Variants in OPCML observed in about 807,000 individuals in gnomAD.
OPCML encodes the protein opioid binding protein/cell adhesion molecule like.
A neutral mutation model predicts 37.8 loss-of-function variants in OPCML; 13 were observed. The ratio of observed to expected loss-of-function variants is 0.34; its 90% CI spans 0.22 to 0.55. The LOEUF is 0.55. OPCML is among the 20% of genes least tolerant of loss of function. The pLI, the probability that OPCML is intolerant of heterozygous loss-of-function variation, is 0.91. For missense variants in OPCML, 341 were observed against 435.6 expected (o/e 0.78, Z 1.93); for synonymous variants, 176 against 168.8 (o/e 1.04, Z -0.33).
intron 4 of OPCML, among the ~76,000 whole-genome samples, chr11:132,469,419 G>T (rs897555039): frequency 6.6e-6 from 1 of 151,584 alleles, no homozygotes; most frequent in Non-Finnish European, 1.5e-5. Context: ...GGGTGCGTGT[G>T]TATGTGTGTA....
chr11:133,513,171 T>TAAA (rs113173258), intron 1 of OPCML, among the ~76,000 whole-genome samples: 5 of 150,186 alleles, frequency 3.3e-5, no homozygotes, highest in African/African-American at 1.2e-4. Flanking sequence ...CCCAAACATT[T>TAAA]AAAAAAAAAA....
At chr11:133,068,193 G>A (rs1948468623) in intron 1 of OPCML, 1 of 152,138 alleles carries the variant, frequency 6.6e-6, no homozygotes, top group Admixed American at 6.5e-5. Context: ...ATTTCCTTAA[G>A]CCAAAACTCT....
chr11:132,991,270 G>A (rs1422030462), intron 1 of OPCML, among the ~76,000 whole-genome samples: 1 of 152,178 alleles, frequency 6.6e-6, no homozygotes, highest in Non-Finnish European at 1.5e-5. Flanking sequence ...AAGAGTAGGA[G>A]TGAAGTTAGA....
chr11:132,968,603 T>A (rs7926617), intron 1 of OPCML, among the ~76,000 whole-genome samples: 6,539 of 152,260 alleles, frequency 0.043, 271 homozygotes, highest in African/African-American at 0.11. Context: ...CATAACCCAA[T>A]CACCTCTTAA....
At chr11:132,474,445 C>A (rs565361326) in intron 4 of OPCML, among the ~76,000 whole-genome samples, 1 of 152,192 alleles carries the variant, frequency 6.6e-6, no homozygotes, top group East Asian at 1.9e-4. Context: ...TCTCAGTGAC[C>A]CTGTGGCCTG....
At chr11:132,435,732 C>T (rs1361039959) in intron 7 of OPCML, among the ~76,000 whole-genome samples, 1 of 152,208 alleles carries the variant, frequency 6.6e-6, no homozygotes, top group African/African-American at 2.4e-5. Flanking sequence ...CAACAAATAT[C>T]ACCCCCAGAA....
intron 2 of OPCML, among the ~76,000 whole-genome samples, chr11:132,817,956 T>C (rs1175628067): frequency 6.6e-6 from 1 of 152,162 alleles, no homozygotes; most frequent in Non-Finnish European, 1.5e-5. Context: ...TATGGCATTG[T>C]ACAAGGGAGA....
chr11:133,162,579 A>G (rs986176791), intron 1 of OPCML, among the ~76,000 whole-genome samples: 1 of 152,212 alleles, frequency 6.6e-6, no homozygotes, highest in African/African-American at 2.4e-5. Flanking sequence ...GTTTAGAAAC[A>G]TACACACTGC....
chr11:132,575,453 C>T (rs958929221), intron 3 of OPCML, among the ~76,000 whole-genome samples: 1 of 151,952 alleles, frequency 6.6e-6, no homozygotes, highest in African/African-American at 2.4e-5. Flanking sequence ...GGAGCTTACA[C>T]AAGACATAGA....
intron 3 of OPCML, among the ~76,000 whole-genome samples, chr11:132,596,036 G>C (rs1018595464): frequency 6.6e-6 from 1 of 152,144 alleles, no homozygotes; most frequent in African/African-American, 2.4e-5. Context: ...TCTGGATACT[G>C]TCCAGACTCC....
At position 132,441,168 on chromosome 11, in the gene OPCML, T is replaced by TTTTGTTTTTTG. The variant is rs2096032243; in HGVS notation, c.506-3810_506-3809insCAAAAAACAAA. Among the ~76,000 whole-genome samples, 5 of 112,712 alleles carry TTTTGTTTTTTG rather than the reference T, an allele frequency of 4.4e-5. 1 individual carries two copies. Among genetic ancestry groups the TTTTGTTTTTTG allele is most frequent in the Middle Eastern group, 3.8e-3 (1 of 262 alleles). 73.9% of individuals were successfully genotyped at this position (112,712 alleles called of 152,430 possible). On this transcript the variant is annotated intron_variant, in intron 4 of 7. Coordinates refer to ENST00000524381, the MANE Select transcript of OPCML (RefSeq NM_001012393.5). ...TGTGTTCACCAAGGACTTTTTTGTT[T>TTTTGTTTTTTG]TTTTTTTTTTTTTTTTTGAGACGGA...
At chr11:133,188,775 C>T (rs1213751848) in intron 1 of OPCML, among the ~76,000 whole-genome samples, 1 of 152,050 alleles carries the variant, frequency 6.6e-6, no homozygotes, top group Admixed American at 6.6e-5. Flanking sequence ...ATAAATTATC[C>T]TTGCTAGTGA....
chr11:133,482,652 T>G (rs1947403705), intron 1 of OPCML, among the ~76,000 whole-genome samples: 1 of 152,132 alleles, frequency 6.6e-6, no homozygotes, highest in Non-Finnish European at 1.5e-5. Context: ...ACCAGAGCTT[T>G]AAGATTCAAT....
chr11:132,635,193 G>T (rs1940410441), intron 3 of OPCML, among the ~76,000 whole-genome samples: 1 of 152,042 alleles, frequency 6.6e-6, no homozygotes, highest in Non-Finnish European at 1.5e-5. Context: ...TGCAAAAATT[G>T]TGGAAATCTA....
chr11:132,566,905 A>G lies in OPCML; in HGVS notation c.380-37719T>C, dbSNP rs531098961. On this transcript the variant is annotated intron_variant, in intron 3 of 7. Coordinates refer to ENST00000524381, the MANE Select transcript of OPCML (RefSeq NM_001012393.5). ...AGACAGAATCCCAGGCACAGAGACC[A>G]GCATGCACAGAACCCAAGGAGAAAG... Among the ~76,000 whole-genome samples, 549 of 151,828 alleles carry G rather than the reference A, an allele frequency of 3.6e-3. 3 individuals carry two copies. Among genetic ancestry groups the G allele is most frequent in the Non-Finnish European group, 6.1e-3 (416 of 67,990 alleles).
rs1014626517 is a variant in OPCML at position 132,699,419 on chromosome 11, T to C, written c.147-42100A>G. 7.2e-5 allele frequency among the ~76,000 whole-genome samples: 11 copies of C among 152,158 alleles called. No homozygotes were observed. The East Asian group carries it at 2.1e-3, about 29-fold the overall frequency. ...AAAGAGATAGATGGACATCTTTGTCTTGTTCCTCTTCTTAGAAGATAAGCT... is the reference window on the plus strand; with the variant it reads ...AAAGAGATAGATGGACATCTTTGTCCTGTTCCTCTTCTTAGAAGATAAGCT... On this transcript the variant is annotated intron_variant, in intron 2 of 7. Transcript: ENST00000524381.
intron 4 of OPCML, among the ~76,000 whole-genome samples, chr11:132,481,136 T>C (rs1715071125): frequency 6.6e-6 from 1 of 152,110 alleles, no homozygotes; most frequent in Non-Finnish European, 1.5e-5. Flanking sequence ...ACAAATTGGA[T>C]AAAGAGTCAA....
intron 3 of OPCML, among the ~76,000 whole-genome samples, chr11:132,591,355 T>C (rs1043017194): frequency 4.6e-5 from 7 of 152,252 alleles, no homozygotes; most frequent in African/African-American, 1.7e-4. Context: ...GTGTTTCATA[T>C]ACCAAGTGGT....
chr11:132,666,519 C>A (rs1035017371), intron 2 of OPCML, among the ~76,000 whole-genome samples: 36 of 152,200 alleles, frequency 2.4e-4, no homozygotes, highest in African/African-American at 8.2e-4. Context: ...AGAGAACACA[C>A]ATCCACACCA....
Sources: allele counts gnomAD v4.1 joint callset (sites outside exome capture counted in the v4.1 genomes callset), GRCh38; gene constraint gnomAD v4.1.1; transcripts MANE v1.5; gene names NCBI Gene and HGNC (gene_info 2026-07-23, HGNC 2026-07-21).